SDK2: variants seen among roughly 807,000 people sequenced by gnomAD.
SDK2 encodes the protein sidekick cell adhesion molecule 2.
A neutral mutation model predicts 253.9 loss-of-function variants in SDK2; 105 were observed. That is an observed-to-expected ratio of 0.41 (90% CI 0.35 to 0.49). SDK2 has a LOEUF of 0.49. SDK2 is among the 20% of genes least tolerant of loss of function. The pLI is 0.06. For missense variants in SDK2, 2,608 were observed against 3,003.0 expected (o/e 0.87, Z 3.07); for synonymous variants, 1,249 against 1,234.9 (o/e 1.01, Z -0.24).
intron 36 of SDK2, chr17:73,369,036 A>G: frequency 2.8e-6 from 1 of 358,834 alleles, no homozygotes; most frequent in South Asian, 2.2e-5. Flanking sequence ...AGAATTTAAG[A>G]ACTGTTTTAG....
At chr17:73,371,899 G>A (rs935721947) in intron 36 of SDK2, among the ~76,000 whole-genome samples, 2 of 151,676 alleles carry the variant, frequency 1.3e-5, no homozygotes, top group African/African-American at 2.4e-5. Context: ...GGTGGAGGCT[G>A]CAGTGAGCTG....
intron 44 of SDK2, among the ~76,000 whole-genome samples, chr17:73,339,261 G>A (rs920926329): frequency 1.4e-5 from 2 of 143,962 alleles, no homozygotes; most frequent in African/African-American, 5.1e-5. Context: ...ACAGAATCTC[G>A]CTGTTGCCAG....
At position 73,455,960 on chromosome 17, in the gene SDK2, T is replaced by TG; in HGVS notation, c.424dup (p.Gln142ProfsTer36). On this transcript the variant is annotated frameshift_variant, in exon 4 of 45. Transcript: ENST00000392650. LOFTEE classifies it high-confidence loss of function. The surrounding 1 kb of genome is among the most constrained non-coding windows in gnomAD (Gnocchi z 5.0). ...GTCCCGGAACCAGGTCACCTGTGGC[T>TG]GGGGGAAGCTGGCGATGCGCGGGGC... The TG allele has an allele frequency of 6.5e-7, 1 of 1,548,342 alleles. No individual in the cohort carries two copies. The highest frequency in any genetic ancestry group is 8.7e-7 in the Non-Finnish European group (1 of 1,146,236).
chr17:73,437,301 G>A (rs1487567679), intron 8 of SDK2, among the ~76,000 whole-genome samples: 3 of 152,176 alleles, frequency 2.0e-5, no homozygotes, highest in African/African-American at 7.2e-5. Flanking sequence ...ACTCTTTCAA[G>A]GGGGGTTAAG....
chr17:73,561,897 G>A (rs575946089), intron 1 of SDK2, among the ~76,000 whole-genome samples: 44 of 152,158 alleles, frequency 2.9e-4, no homozygotes, highest in Non-Finnish European at 5.4e-4. Flanking sequence ...GGGCTGAGGC[G>A]GGTGGATCAC....
At chr17:73,371,218 C>A (rs2062732279) in intron 36 of SDK2, among the ~76,000 whole-genome samples, 1 of 151,700 alleles carries the variant, frequency 6.6e-6, no homozygotes, top group Admixed American at 6.6e-5. Context: ...TTGGAAAGGT[C>A]ATGGCTGATG....
chr17:73,605,274 G>A (rs1380515716), intron 1 of SDK2, among the ~76,000 whole-genome samples: 1 of 152,156 alleles, frequency 6.6e-6, no homozygotes, highest in Non-Finnish European at 1.5e-5. Flanking sequence ...AGGTTTGAGG[G>A]ACGTAGCAGG....
In SDK2 at chr17:73,506,058, G is replaced by A. The variant is rs534777422; in HGVS notation, c.224+1380C>T. On this transcript the variant is annotated intron_variant, in intron 2 of 44. Transcript: ENST00000392650. Reference sequence around the variant, plus strand: ...TGGATCCTGCCTCCGGCTCCCAGCCGGAAGAAGTCAGGGGCAGGCTAGGCC... The same window carrying A: ...TGGATCCTGCCTCCGGCTCCCAGCCAGAAGAAGTCAGGGGCAGGCTAGGCC... Among the ~76,000 whole-genome samples the A allele has an allele frequency of 7.2e-5, 11 of 152,356 alleles. No homozygotes were observed. In the East Asian group the frequency reaches 1.4e-3, roughly 19 times the overall value.
chr17:73,548,778 C>A (rs1458665649), intron 1 of SDK2, among the ~76,000 whole-genome samples: 2 of 152,236 alleles, frequency 1.3e-5, no homozygotes, highest in African/African-American at 4.8e-5. Context: ...TCTCACCAAC[C>A]AGGCTCTGCA....
chr17:73,491,760 A>T (rs539848725), intron 2 of SDK2, among the ~76,000 whole-genome samples: 2 of 152,256 alleles, frequency 1.3e-5, no homozygotes, highest in Non-Finnish European at 2.9e-5. Flanking sequence ...GGTGTTCCAA[A>T]GTCACCCTTG....
intron 2 of SDK2, among the ~76,000 whole-genome samples, chr17:73,480,848 G>A (rs562228566): frequency 6.6e-6 from 1 of 152,326 alleles, no homozygotes; most frequent in East Asian, 1.9e-4. Context: ...GCCAGGGAGG[G>A]TGATGTCAGC....
At chr17:73,544,636 A>AGTG (rs2044926965) in intron 1 of SDK2, among the ~76,000 whole-genome samples, 1 of 152,170 alleles carries the variant, frequency 6.6e-6, no homozygotes, top group Non-Finnish European at 1.5e-5. Context: ...ATGGATGGAT[A>AGTG]GTGGATGGAT....
chr17:73,379,445 C>A lies in SDK2; in HGVS notation c.4864+3G>T. On this transcript the variant is annotated splice_donor_region_variant and intron_variant, in intron 35 of 44. Coordinates refer to ENST00000392650, the MANE Select transcript of SDK2 (RefSeq NM_001144952.2). This position sits in a 1 kb window ranked among gnomAD's most constrained non-coding sequence, Gnocchi z 4.5. ...GGGGCCGGACAGGGCGGGCGCTGCTCACCTGCCTCCCCAACAAAGACCTCC... is the reference window on the plus strand; with the variant it reads ...GGGGCCGGACAGGGCGGGCGCTGCTAACCTGCCTCCCCAACAAAGACCTCC... 6.2e-7 allele frequency: 1 copy of A among 1,600,214 alleles called. No individual in the cohort carries two copies.
At chr17:73,521,982 A>C (rs768766931) in intron 1 of SDK2, among the ~76,000 whole-genome samples, 12 of 152,214 alleles carry the variant, frequency 7.9e-5, no homozygotes, top group Non-Finnish European at 1.6e-4. Flanking sequence ...TGCACCACAC[A>C]GCAATGCTGT....
chr17:73,643,952 C>T lies in SDK2; in HGVS notation c.64+73G>A. 1.8e-6 allele frequency: 2 copies of T among 1,122,692 alleles called. No individual in the cohort carries two copies. Among genetic ancestry groups the T allele is most frequent in the Non-Finnish European group, 1.3e-6 (1 of 765,890 alleles). 69.5% of individuals were successfully genotyped at this position (1,122,692 alleles called of 1,614,324 possible). A position where few individuals can be genotyped will look rare whatever the true frequency, so the allele number is the denominator to read the frequency against. On this transcript the variant is annotated intron_variant, in intron 1 of 44. Transcript: ENST00000392650. This position sits in a 1 kb window ranked among gnomAD's most constrained non-coding sequence, Gnocchi z 6.9. Reference sequence around the variant, plus strand: ...GTCCAGGAGGTCACCGTGAGGCCGGCCAGCTCCCGCCGCCCCTCCCCCGCC... The same window carrying T: ...GTCCAGGAGGTCACCGTGAGGCCGGTCAGCTCCCGCCGCCCCTCCCCCGCC...
chr17:73,368,429 G>A lies in SDK2; in HGVS notation c.5145C>T (p.Thr1715=). Reference sequence around the variant, plus strand: ...CACCTGCTTGCTGGGTCTGGCCTTGGGTGGGGGTGCTCCGAGGCCCATCCC... The same window carrying A: ...CACCTGCTTGCTGGGTCTGGCCTTGAGTGGGGGTGCTCCGAGGCCCATCCC... ...AAGDGPRSTP[T]QGQTQQAAPS... The change falls in exon 37 of 45, where the codon ACC becomes ACT. Residue 1715 remains threonine, a synonymous_variant. Transcript: ENST00000392650. 6.3e-7 allele frequency: 1 copy of A among 1,587,784 alleles called. No homozygotes were observed. Among genetic ancestry groups the A allele is most frequent in the Non-Finnish European group, 8.6e-7 (1 of 1,167,614 alleles).
rs10638504 is a variant in SDK2, at chr17:73,340,734, G to GTTTTTTTTT, written c.6166-1803_6166-1795dup. Among the ~76,000 whole-genome samples the GTTTTTTTTT allele has an allele frequency of 1.4e-3, 107 of 77,556 alleles. 22 individuals carry two copies. Among genetic ancestry groups the GTTTTTTTTT allele is most frequent in the South Asian group, 3.1e-3 (5 of 1,596 alleles). The allele number at this position is 77,556 out of a possible 152,430, so 50.9% of individuals were successfully genotyped here. On this transcript the variant is annotated intron_variant, in intron 44 of 44. Transcript: ENST00000392650. The stretch of plus-strand genomic sequence containing the variant: ...ATTTTCATGTAATGAAAACCTTAAA[G>GTTTTTTTTT]TTTTTTTTTTTTTTTTTTTTTTTTT...
intron 2 of SDK2, among the ~76,000 whole-genome samples, chr17:73,482,924 T>C (rs146819117): frequency 1.3e-5 from 2 of 152,286 alleles, no homozygotes; most frequent in Non-Finnish European, 2.9e-5. Flanking sequence ...TCTGGTTCAT[T>C]CCCAGGTCAA....
intron 12 of SDK2, among the ~76,000 whole-genome samples, chr17:73,426,358 C>G (rs138562779): frequency 1.3e-5 from 2 of 152,042 alleles, no homozygotes; most frequent in East Asian, 3.9e-4. Flanking sequence ...TGAGCCACCA[C>G]GCCTGACCAG....
Sources: allele counts gnomAD v4.1 joint callset (sites outside exome capture counted in the v4.1 genomes callset), GRCh38; gene constraint gnomAD v4.1.1; non-coding constraint Gnocchi (gnomAD v3.1); transcripts MANE v1.5; gene names NCBI Gene and HGNC (gene_info 2026-07-23, HGNC 2026-07-21).